Variants in CCDC33 observed in about 807,000 individuals in gnomAD.
The protein encoded by CCDC33 is coiled-coil domain containing 33.
CCDC33 carries 94 observed loss-of-function variants against 91.9 expected under a neutral mutation model. That is an observed-to-expected ratio of 1.02 (90% CI 0.87 to 1.21). The LOEUF (loss-of-function observed/expected upper bound fraction) is 1.21. Ranked by LOEUF, CCDC33 falls within the 50% of genes most tolerant of loss-of-function variation. The pLI is 0.00. For missense variants in CCDC33, 940 were observed against 935.5 expected, an observed-to-expected ratio of 1.00 and a Z score of -0.06; for synonymous variants, 396 against 374.5, an observed-to-expected ratio of 1.06 and a Z score of -0.66.
chr15:74,217,424 C>A, exon 1 of CCDC33: 1 of 1,289,744 alleles, frequency 7.8e-7, no homozygotes, highest in African/African-American at 1.5e-5. Flanking sequence ...CAGCAGAGAA[C>A]CCCCTGCAGG....
At chr15:74,219,436 C>T (rs1011015910) in intron 2 of CCDC33, among the ~76,000 whole-genome samples, 1 of 152,192 alleles carries the variant, frequency 6.6e-6, no homozygotes, top group Non-Finnish European at 1.5e-5. Flanking sequence ...GAAACAGGCC[C>T]AAGGTATGCT....
At chr15:74,305,613 G>T (rs1168253849) in intron 11 of CCDC33, among the ~76,000 whole-genome samples, 1 of 152,190 alleles carries the variant, frequency 6.6e-6, no homozygotes, top group Admixed American at 6.5e-5. Flanking sequence ...AGTGTCTGGT[G>T]CCCCCAACCT....
At chr15:74,224,018 G>A (rs970572775) in intron 2 of CCDC33, among the ~76,000 whole-genome samples, 13 of 152,176 alleles carry the variant, frequency 8.5e-5, no homozygotes, top group Non-Finnish European at 1.5e-4. Context: ...CCCGTTAAAA[G>A]CTACCTGAGG....
At chr15:74,239,963 A>G (rs916916863) in intron 1 of CCDC33, among the ~76,000 whole-genome samples, 10 of 152,206 alleles carry the variant, frequency 6.6e-5, no homozygotes, top group African/African-American at 2.4e-4. Context: ...CTGATGCAGG[A>G]CATCTCTGAG....
rs886656445 is a variant in CCDC33 at position 74,266,695 on chromosome 15, G to A, written c.337G>A (p.Val113Met). 2 of 1,613,676 alleles carry A rather than the reference G, an allele frequency of 1.2e-6. No individual in the cohort carries two copies. The highest frequency in any genetic ancestry group is 1.7e-6 in the Non-Finnish European group (2 of 1,179,694). ...AGQEDVILKV[V>M]DNRKKQELLS... is the part of the protein sequence containing the mutation. ...CTTTCCAGATGTGATCCTCAAGGTG[G>A]TGGACAACAGAAAGAAACAGGAGTT... Residue 113 changes from valine to methionine, a missense_variant, in exon 4 of 19, where the codon GTG (valine) becomes ATG (methionine). Coordinates refer to ENST00000398814, the MANE Select transcript of CCDC33 (RefSeq NM_025055.5).
chr15:74,209,857 A>G (rs1003713643), intron 2 of CCDC33, among the ~76,000 whole-genome samples: 1 of 152,208 alleles, frequency 6.6e-6, no homozygotes, highest in African/African-American at 2.4e-5. Flanking sequence ...CGGGCCAAGA[A>G]GCGGGGCCCT....
rs1397794984 is a variant in CCDC33 at position 74,256,463 on chromosome 15, T to C, written c.186-5977T>C. Reference sequence around the variant, plus strand: ...GTGGCTGTTCAGAGTGACCGAACCATTGAGAGGATTCCACGTCCTGGCAAG... The same window carrying C: ...GTGGCTGTTCAGAGTGACCGAACCACTGAGAGGATTCCACGTCCTGGCAAG... On this transcript the variant is annotated intron_variant, in intron 2 of 18. Coordinates refer to ENST00000398814, the MANE Select transcript of CCDC33 (RefSeq NM_025055.5). Among the ~76,000 whole-genome samples, 3 of 152,118 alleles carry C rather than the reference T, an allele frequency of 2.0e-5. No homozygotes were observed. The East Asian group carries it at 5.8e-4, about 29-fold the overall frequency.
chr15:74,227,396 G>A (rs1006623707), intron 2 of CCDC33, among the ~76,000 whole-genome samples: 8 of 152,224 alleles, frequency 5.3e-5, no homozygotes, highest in African/African-American at 9.6e-5. Context: ...TTCTGGGCAC[G>A]TGAAAGGATC....
At position 74,336,117 on chromosome 15, in the gene CCDC33, G is replaced by A. The variant is rs771804246; in HGVS notation, c.*64G>A. Reference sequence around the variant, plus strand: ...CTCATCACCGCCCCCTAAAAATGACGTTATTAAATGTTGTAGCTCTGTGAG... The same window carrying A: ...CTCATCACCGCCCCCTAAAAATGACATTATTAAATGTTGTAGCTCTGTGAG... On this transcript the variant is annotated 3_prime_UTR_variant, in exon 19 of 19. Transcript: ENST00000398814. 137 of 1,584,728 alleles carry A rather than the reference G, an allele frequency of 8.6e-5. No individual in the cohort carries two copies. The highest frequency in any genetic ancestry group is 9.0e-5 in the East Asian group (4 of 44,462).
At chr15:74,245,972 G>A (rs2075516644) in intron 2 of CCDC33, among the ~76,000 whole-genome samples, 1 of 152,144 alleles carries the variant, frequency 6.6e-6, no homozygotes, top group Non-Finnish European at 1.5e-5. Context: ...CCTGAAGGGG[G>A]CTTTCAGTGC....
chr15:74,313,691 G>T (rs996268357), intron 11 of CCDC33, among the ~76,000 whole-genome samples: 2 of 152,102 alleles, frequency 1.3e-5, no homozygotes, highest in South Asian at 2.1e-4. Flanking sequence ...ACCCCGGAGG[G>T]CTATGAATGC....
chr15:74,280,323 C>T (rs904459812), intron 8 of CCDC33, among the ~76,000 whole-genome samples: 1 of 152,184 alleles, frequency 6.6e-6, no homozygotes, highest in Non-Finnish European at 1.5e-5. Flanking sequence ...TTTTATTGCA[C>T]CCATCAGTGA....
chr15:74,313,864 C>T (rs1456576305), intron 11 of CCDC33, among the ~76,000 whole-genome samples: 1 of 152,114 alleles, frequency 6.6e-6, no homozygotes, highest in Non-Finnish European at 1.5e-5. Flanking sequence ...GTCCACTTTG[C>T]CTGCCTATAA....
intron 11 of CCDC33, among the ~76,000 whole-genome samples, chr15:74,298,816 G>A (rs1431194015): frequency 2.0e-5 from 3 of 148,796 alleles, no homozygotes; most frequent in Non-Finnish European, 3.0e-5. Flanking sequence ...GGGTTCAAGC[G>A]ATTCTCCTTC....
intron 11 of CCDC33, among the ~76,000 whole-genome samples, chr15:74,311,293 AC>A (rs1268377338): frequency 6.7e-6 from 1 of 149,176 alleles, no homozygotes; most frequent in Non-Finnish European, 1.5e-5. Context: ...TCCCCTCCAC[AC>A]CCCCTACCCC....
At chr15:74,206,918 A>G (rs1238104839) in intron 1 of CCDC33, among the ~76,000 whole-genome samples, 1 of 152,214 alleles carries the variant, frequency 6.6e-6, no homozygotes, top group Non-Finnish European at 1.5e-5. Flanking sequence ...AGGTCTCCCA[A>G]CTGGGCACAG....
chr15:74,218,608 T>C lies in CCDC33; in HGVS notation c.422T>C (p.Ile141Thr). 1 of 1,289,758 alleles carries C rather than the reference T, an allele frequency of 7.8e-7. No individual in the cohort carries two copies. Among genetic ancestry groups the C allele is most frequent in the Non-Finnish European group, 1.0e-6 (1 of 988,852 alleles). 79.9% of individuals were successfully genotyped at this position (1,289,758 alleles called of 1,614,324 possible). A position where few individuals can be genotyped will look rare whatever the true frequency, so the allele number is the denominator to read the frequency against. ...CGGGTGGGTGAGGCCATCTTCCCCATCTACCCGAGGCCAGACCAACCCCGC... is the reference window on the plus strand; with the variant it reads ...CGGGTGGGTGAGGCCATCTTCCCCACCTACCCGAGGCCAGACCAACCCCGC... Residue 141 changes from isoleucine (I) to threonine (T), a missense_variant, in exon 2 of 3, where the codon ATC becomes ACC. Transcript: ENST00000635913. The surrounding 1 kb of genome is among the most constrained non-coding windows in gnomAD (Gnocchi z 4.8).
In CCDC33 at chr15:74,280,658, T is replaced by C. The variant is rs1596017329; in HGVS notation, c.890-10T>C. ...TTTGGCAGGAGCCCTAGTTGATCCT[T>C]CCCCCACAGTGAAAGGCAGCCAGCC... is the stretch of plus-strand genomic sequence containing the variant. On this transcript the variant is annotated splice_polypyrimidine_tract_variant and intron_variant, in intron 8 of 18. Transcript: ENST00000398814. 1 of 1,459,596 alleles carries C rather than the reference T, an allele frequency of 6.9e-7. No individual in the cohort carries two copies. The highest frequency in any genetic ancestry group is 9.1e-7 in the Non-Finnish European group (1 of 1,100,788). 90.4% of individuals were successfully genotyped at this position (1,459,596 alleles called of 1,614,324 possible).
At chr15:74,214,172 G>A (rs573252008), upstream of CCDC33, among the ~76,000 whole-genome samples, 2 of 152,234 alleles carry the variant, frequency 1.3e-5, no homozygotes, top group East Asian at 1.9e-4. Context: ...GTGGGAAGCA[G>A]GAAGGGGGCC....
Sources: allele counts gnomAD v4.1 joint callset (sites outside exome capture counted in the v4.1 genomes callset), GRCh38; gene constraint gnomAD v4.1.1; non-coding constraint Gnocchi (gnomAD v3.1); transcripts MANE v1.5; gene names NCBI Gene and HGNC (gene_info 2026-07-23, HGNC 2026-07-21).